The following CEP128 variants were observed in gnomAD, a reference collection of about 807,000 sequenced individuals.
The protein encoded by CEP128 is centrosomal protein 128kDa.
Under a neutral mutation model 156.7 loss-of-function variants are expected in CEP128, and 132 were observed. That is an observed-to-expected ratio of 0.84 (90% CI 0.73 to 0.97). CEP128 has a LOEUF of 0.97. Ranked by LOEUF, CEP128 falls within the 50% of genes least tolerant of loss-of-function variation. The pLI, the probability that CEP128 is intolerant of heterozygous loss-of-function variation, is 0.00. For missense variants in CEP128, 1,252 were observed against 1,281.9 expected (o/e 0.98, Z 0.36); for synonymous variants, 469 against 448.9 (o/e 1.04, Z -0.57).
In CEP128 at chr14:80,775,874, C is replaced by G. The variant is rs570473686; in HGVS notation, c.2376+2008G>C. On this transcript the variant is annotated intron_variant, in intron 16 of 24. Coordinates refer to ENST00000555265, the MANE Select transcript of CEP128 (RefSeq NM_152446.5). ...TTGAGATGGAGTCTCGCGCTGTCGC[C>G]CAGGCTGGAGTGCAGTGGCACGATC... is the stretch of plus-strand genomic sequence containing the variant. Among the ~76,000 whole-genome samples, 3 of 152,246 alleles carry G rather than the reference C, an allele frequency of 2.0e-5. No individual in the cohort carries two copies. The South Asian group carries it at 6.2e-4, about 32-fold the overall frequency.
Position 80,729,056 on chromosome 14 carries a change from G to GGT in CEP128, c.2806+14018_2806+14019insAC, listed in dbSNP as rs771841400. ...GCCCTAGTCCCAGGCTGGGCTGGTG[G>GGT]GGGTGTGTGTGTGTGTGTGTGTGTG... is the stretch of plus-strand genomic sequence containing the variant. On this transcript the variant is annotated intron_variant, in intron 19 of 24. Transcript: ENST00000555265. Among the ~76,000 whole-genome samples the GGT allele has an allele frequency of 7.3e-4, 64 of 88,214 alleles. 1 individual carries two copies. The highest frequency in any genetic ancestry group is 2.0e-3 in the African/African-American group (47 of 24,076). 57.9% of individuals were successfully genotyped at this position (88,214 alleles called of 152,430 possible). A position where few individuals can be genotyped will look rare whatever the true frequency, so the allele number is the denominator to read the frequency against.
At chr14:80,894,077 T>C (rs897997679) in intron 8 of CEP128, among the ~76,000 whole-genome samples, 39 of 151,974 alleles carry the variant, frequency 2.6e-4, no homozygotes, top group African/African-American at 9.2e-4. Context: ...TAAGAGAACA[T>C]CTTCGTGATC....
In CEP128 at chr14:80,785,232, T is replaced by C. The variant is rs1476447848; in HGVS notation, c.1874A>G (p.Gln625Arg). Residue 625 changes from glutamine (Q) to arginine (R), a missense_variant, in exon 15 of 25, where the codon CAG (glutamine) becomes CGG (arginine). Gln to Arg is a conservative substitution (Grantham distance 43). Coordinates refer to ENST00000555265, the MANE Select transcript of CEP128 (RefSeq NM_152446.5). ...EIAELKKSQA[Q>R]DKAKLLEMQE... Reference sequence around the variant, plus strand: ...CATCTCAAGAAGTTTAGCTTTGTCCTGGGCCTGGCTCTTCTTGAGCTCTGC... The same window carrying C: ...CATCTCAAGAAGTTTAGCTTTGTCCCGGGCCTGGCTCTTCTTGAGCTCTGC... 2 of 1,614,086 alleles carry C rather than the reference T, an allele frequency of 1.2e-6. No homozygotes were observed. Among genetic ancestry groups the C allele is most frequent in the East Asian group, 2.2e-5 (1 of 44,900 alleles).
intron 22 of CEP128, among the ~76,000 whole-genome samples, chr14:80,527,675 A>G (rs755728210): frequency 3.3e-5 from 5 of 152,190 alleles, no homozygotes; most frequent in African/African-American, 4.8e-5. Context: ...CTTAGCATCA[A>G]TATATTCTTG....
intron 21 of CEP128, among the ~76,000 whole-genome samples, chr14:80,542,036 T>G (rs2140312981): frequency 6.6e-6 from 1 of 152,354 alleles, no homozygotes; most frequent in Admixed American, 6.5e-5. Context: ...GGGCTTGGCA[T>G]GCGGTAAGCA....
chr14:80,922,379 T>A (rs1884914300), intron 2 of CEP128, among the ~76,000 whole-genome samples: 1 of 152,198 alleles, frequency 6.6e-6, no homozygotes, highest in Non-Finnish European at 1.5e-5. Flanking sequence ...AGGAAACACT[T>A]ATCATGCCTT....
At chr14:80,857,077 A>C (rs1408369322) in intron 9 of CEP128, among the ~76,000 whole-genome samples, 3 of 152,016 alleles carry the variant, frequency 2.0e-5, no homozygotes, top group Admixed American at 6.6e-5. Context: ...ATTCGGCTGA[A>C]GATGAAGAAA....
At chr14:80,574,835 A>C (rs902798384) in intron 20 of CEP128, among the ~76,000 whole-genome samples, 1 of 152,106 alleles carries the variant, frequency 6.6e-6, no homozygotes, top group African/African-American at 2.4e-5. Flanking sequence ...GGTGACAAAA[A>C]CAAAATCTAA....
intron 9 of CEP128, among the ~76,000 whole-genome samples, chr14:80,854,463 T>C (rs760696665): frequency 3.5e-4 from 54 of 152,148 alleles, no homozygotes; most frequent in Non-Finnish European, 7.1e-4. Context: ...GGTGTATATA[T>C]AGTCTATATA....
intron 20 of CEP128, among the ~76,000 whole-genome samples, chr14:80,569,438 T>C (rs1891047099): frequency 6.6e-6 from 1 of 151,942 alleles, no homozygotes; most frequent in African/African-American, 2.4e-5. Flanking sequence ...TGGATGAGAG[T>C]TTGTTAATAG....
chr14:80,715,741 A>C (rs1201414372), intron 19 of CEP128, among the ~76,000 whole-genome samples: 1 of 152,218 alleles, frequency 6.6e-6, no homozygotes, highest in African/African-American at 2.4e-5. Flanking sequence ...GCTTTATGTA[A>C]CAGCCACTTA....
At chr14:80,732,498 G>A (rs1349962852) in intron 19 of CEP128, among the ~76,000 whole-genome samples, 1 of 150,722 alleles carries the variant, frequency 6.6e-6, no homozygotes, top group Non-Finnish European at 1.5e-5. Context: ...GTGTGTGTGT[G>A]TGTGTGTGTG....
intron 19 of CEP128, among the ~76,000 whole-genome samples, chr14:80,732,933 T>C (rs891709738): frequency 1.0e-4 from 14 of 136,160 alleles, no homozygotes; most frequent in Admixed American, 7.4e-4. Context: ...GGTATAAAGG[T>C]TAATTTTATA....
intron 21 of CEP128, among the ~76,000 whole-genome samples, chr14:80,547,829 G>A (rs1327323866): frequency 8.3e-5 from 12 of 144,022 alleles, no homozygotes; most frequent in African/African-American, 2.1e-4. Context: ...ACGGAGCTTC[G>A]CTCTTTTTGC....
intron 23 of CEP128, among the ~76,000 whole-genome samples, chr14:80,524,012 T>C (rs1888866973): frequency 6.6e-6 from 1 of 152,206 alleles, no homozygotes; most frequent in Non-Finnish European, 1.5e-5. Flanking sequence ...TAAAACTTTA[T>C]TTACAAAAAC....
rs1170778718 is a variant in CEP128 at position 80,562,655 on chromosome 14, C to CTTT, written c.2857-3356_2857-3354dup. Among the ~76,000 whole-genome samples, 129 of 114,362 alleles carry CTTT rather than the reference C, an allele frequency of 1.1e-3. 1 individual carries two copies. The highest frequency in any genetic ancestry group is 1.4e-3 in the African/African-American group (43 of 31,828). 75.0% of individuals were successfully genotyped at this position (114,362 alleles called of 152,430 possible). On this transcript the variant is annotated intron_variant, in intron 20 of 24. Transcript: ENST00000555265. The stretch of plus-strand genomic sequence containing the variant: ...CCAACAACAGTGTAGCTTTTCTTTT[C>CTTT]TTTTTTTTTTTTTTTTTTTTTTGGA...
At chr14:80,822,724 T>C (rs1885257055) in intron 13 of CEP128, 3 of 844,902 alleles carry the variant, frequency 3.6e-6, no homozygotes, top group Non-Finnish European at 6.1e-6. Flanking sequence ...AGGAGGGGAA[T>C]AGCCCTGTAG....
rs377362585 is a variant in CEP128, at chr14:80,504,983, C to A, written c.3110G>T (p.Gly1037Val). ...CTGCCAAGAGGATGAGTGATCTAAC[C>A]CACGAGTGTGGGAACCTTCCAGAAA... ...RTFLEGSHTR[G>V]LDHSSSWQDH... The change falls in exon 24 of 25, where the codon GGG becomes GTG. Residue 1037 changes from glycine to valine, a missense_variant. Coordinates refer to ENST00000555265, the MANE Select transcript of CEP128 (RefSeq NM_152446.5). 8.1e-6 allele frequency: 13 copies of A among 1,601,026 alleles called. No homozygotes were observed. In the African/African-American group the frequency reaches 1.5e-4, roughly 18 times the overall value.
intron 8 of CEP128, among the ~76,000 whole-genome samples, chr14:80,886,254 C>G (rs1169622184): frequency 6.6e-6 from 1 of 152,108 alleles, no homozygotes; most frequent in Admixed American, 6.5e-5. Context: ...GACAGGCCAA[C>G]ATTCAGATTC....
Sources: gnomAD v4.1 joint callset for allele counts (sites outside exome capture counted in the v4.1 genomes callset) on GRCh38, gnomAD v4.1.1 for gene constraint, MANE v1.5 for transcripts, NCBI Gene and HGNC (gene_info 2026-07-23, HGNC 2026-07-21) for gene names.